GABRB1: variants seen among roughly 807,000 people sequenced by gnomAD.
GABRB1 encodes gamma-aminobutyric acid receptor subunit beta-1.
In GABRB1, 17 loss-of-function variants were observed where a neutral mutation model predicts 51.6. That is an observed-to-expected ratio of 0.33 (90% confidence interval 0.23 to 0.49). The LOEUF (loss-of-function observed/expected upper bound fraction) is 0.49, where lower values mean the gene tolerates loss of function less well. Among genes scored for constraint, GABRB1 ranks in the 20% least tolerant of loss-of-function variants. GABRB1 has a pLI of 0.99. For synonymous variants in GABRB1, 247 were observed against 218.9 expected (o/e 1.13, Z -1.14); for missense variants, 410 against 600.6 (o/e 0.68, Z 3.32).
chr4:47,134,289 C>G (rs1716546653), intron 3 of GABRB1, among the ~76,000 whole-genome samples: 1 of 152,090 alleles, frequency 6.6e-6, no homozygotes, highest in Non-Finnish European at 1.5e-5. Context: ...TTTATCCCAT[C>G]AGTACAAATG....
intron 4 of GABRB1, among the ~76,000 whole-genome samples, chr4:47,244,510 T>G (rs1254333882): frequency 6.6e-6 from 1 of 152,138 alleles, no homozygotes; most frequent in Admixed American, 6.6e-5. Context: ...ATCCATCTGG[T>G]CCTGGACTTT....
intron 5 of GABRB1, among the ~76,000 whole-genome samples, chr4:47,351,533 A>G (rs1403683854): frequency 6.7e-6 from 1 of 149,152 alleles, no homozygotes; most frequent in Non-Finnish European, 1.5e-5. Flanking sequence ...AGCATTAGGT[A>G]TATCTCCTAA....
At chr4:47,073,915 C>T (rs546130916) in intron 3 of GABRB1, among the ~76,000 whole-genome samples, 2 of 152,148 alleles carry the variant, frequency 1.3e-5, no homozygotes, top group South Asian at 2.1e-4. Flanking sequence ...GAATGTCATG[C>T]GATAAGAGCT....
chr4:46,999,923 A>T (rs915819779), intron 1 of GABRB1, among the ~76,000 whole-genome samples: 2 of 152,074 alleles, frequency 1.3e-5, no homozygotes, highest in African/African-American at 4.8e-5. Flanking sequence ...GACTTTCCAG[A>T]CCTCCTCTTT....
intron 4 of GABRB1, among the ~76,000 whole-genome samples, chr4:47,217,815 C>T (rs1031623023): frequency 2.0e-5 from 3 of 151,676 alleles, no homozygotes; most frequent in African/African-American, 7.3e-5. Flanking sequence ...ACACTTCAAA[C>T]ATTTATCATT....
chr4:47,143,693 C>T (rs1166370233), intron 3 of GABRB1, among the ~76,000 whole-genome samples: 1 of 151,858 alleles, frequency 6.6e-6, no homozygotes, highest in African/African-American at 2.4e-5. Context: ...AATAATCTAA[C>T]ATTCTCTTTT....
At chr4:47,321,463 C>T (rs1725085025) in intron 5 of GABRB1, among the ~76,000 whole-genome samples, 1 of 152,076 alleles carries the variant, frequency 6.6e-6, no homozygotes, top group Non-Finnish European at 1.5e-5. Flanking sequence ...ATGAAATATT[C>T]TCTAATCAAT....
intron 4 of GABRB1, among the ~76,000 whole-genome samples, chr4:47,278,771 C>T (rs1723173036): frequency 6.6e-6 from 1 of 152,142 alleles, no homozygotes; most frequent in East Asian, 1.9e-4. Context: ...ATTTCAGTTG[C>T]CAGACCATCT....
intron 5 of GABRB1, among the ~76,000 whole-genome samples, chr4:47,338,331 T>C (rs1044872135): frequency 1.3e-5 from 2 of 152,184 alleles, no homozygotes; most frequent in Non-Finnish European, 2.9e-5. Context: ...CATCAGTACT[T>C]TTAGGATGAC....
chr4:47,054,880 C>T (rs114987895), intron 3 of GABRB1, among the ~76,000 whole-genome samples: 2,419 of 152,228 alleles, frequency 0.016, 50 homozygotes, highest in African/African-American at 0.049. Context: ...CCACTGCACC[C>T]GGACACTTTA....
At chr4:47,284,327 T>A (rs1407082962) in intron 4 of GABRB1, among the ~76,000 whole-genome samples, 1 of 152,134 alleles carries the variant, frequency 6.6e-6, no homozygotes, top group East Asian at 1.9e-4. Flanking sequence ...TTGCCCATCA[T>A]GAGAGAAACA....
intron 4 of GABRB1, among the ~76,000 whole-genome samples, chr4:47,277,802 T>C (rs1396679255): frequency 6.6e-6 from 1 of 152,090 alleles, no homozygotes; most frequent in Non-Finnish European, 1.5e-5. Context: ...ATGATAGATA[T>C]TAGGCCTACT....
chr4:47,212,103 C>T (rs1720379771), intron 4 of GABRB1, among the ~76,000 whole-genome samples: 1 of 151,930 alleles, frequency 6.6e-6, no homozygotes, highest in African/African-American at 2.4e-5. Context: ...GTTATCAGAA[C>T]CCGAAAAGAG....
chr4:47,415,188 A>T (rs1290067083), intron 8 of GABRB1, among the ~76,000 whole-genome samples: 1 of 152,210 alleles, frequency 6.6e-6, no homozygotes, highest in Non-Finnish European at 1.5e-5. Context: ...AACAAGAAAG[A>T]AGTCTACTTT....
At chr4:47,203,213 T>A (rs1208602708) in intron 4 of GABRB1, among the ~76,000 whole-genome samples, 1 of 152,146 alleles carries the variant, frequency 6.6e-6, no homozygotes, top group Non-Finnish European at 1.5e-5. Flanking sequence ...GAGAAATTAT[T>A]TCCCTGCTCT....
At chr4:47,348,893 T>C (rs1726204504) in intron 5 of GABRB1, among the ~76,000 whole-genome samples, 1 of 152,124 alleles carries the variant, frequency 6.6e-6, no homozygotes, top group Non-Finnish European at 1.5e-5. Flanking sequence ...AAGAAGTAGA[T>C]GAATTCCAGG....
chr4:47,140,107 C>CACACAG (rs1248814894), intron 3 of GABRB1, among the ~76,000 whole-genome samples: 1 of 146,624 alleles, frequency 6.8e-6, no homozygotes, highest in Admixed American at 6.7e-5. Context: ...CACACACACA[C>CACACAG]ACACACACAC....
intron 4 of GABRB1, among the ~76,000 whole-genome samples, chr4:47,285,753 G>T (rs1183683125): frequency 6.6e-6 from 1 of 152,152 alleles, no homozygotes; most frequent in Non-Finnish European, 1.5e-5. Flanking sequence ...ATTTTAGCTT[G>T]ATTGTAAGTA....
chr4:47,143,005 G>T (rs376924957), intron 3 of GABRB1, among the ~76,000 whole-genome samples: 3 of 151,754 alleles, frequency 2.0e-5, no homozygotes, highest in East Asian at 1.9e-4. Flanking sequence ...TGACCATCCT[G>T]CTTGGAGCCA....
Sources: allele counts gnomAD v4.1 joint callset (sites outside exome capture counted in the v4.1 genomes callset), GRCh38; gene constraint gnomAD v4.1.1; transcripts MANE v1.5; gene names NCBI Gene and HGNC (gene_info 2026-07-23, HGNC 2026-07-21).